The following NMNAT2 variants were observed in gnomAD, a reference collection of about 807,000 sequenced individuals.
The protein encoded by NMNAT2 is nicotinamide/nicotinic acid mononucleotide adenylyltransferase 2.
A neutral mutation model predicts 41.6 loss-of-function variants in NMNAT2; 11 were observed. The ratio of observed to expected loss-of-function variants is 0.26; its 90% CI spans 0.17 to 0.44. The LOEUF is 0.44. Among genes scored for constraint, NMNAT2 ranks in the 20% least tolerant of loss-of-function variants. The pLI is 1.00. For synonymous variants in NMNAT2, 148 were observed against 151.2 expected, an observed-to-expected ratio of 0.98 and a Z score of 0.16; for missense variants, 288 against 407.7, an observed-to-expected ratio of 0.71 and a Z score of 2.53.
chr1:183,257,506 G>A (rs1660548682), intron 10 of NMNAT2, among the ~76,000 whole-genome samples: 1 of 152,148 alleles, frequency 6.6e-6, no homozygotes, highest in Admixed American at 6.5e-5. Context: ...GAAGTCATCT[G>A]GTCCTGGGCT....
rs115663978 is a variant in NMNAT2, at chr1:183,287,190, C to T, written c.322-402G>A. 6.3e-3 allele frequency among the ~76,000 whole-genome samples: 962 copies of T among 152,250 alleles called. 11 individuals are homozygous for T. Among genetic ancestry groups the T allele is most frequent in the African/African-American group, 0.023 (938 of 41,548 alleles). On this transcript the variant is annotated intron_variant, in intron 4 of 10. Transcript: ENST00000287713. ...TGACCCATGGCAGGAGCTCTGTCAGCAGCAGGCGATGCTGGAACCTTCTGT... is the reference window on the plus strand; with the variant it reads ...TGACCCATGGCAGGAGCTCTGTCAGTAGCAGGCGATGCTGGAACCTTCTGT...
At chr1:183,271,759 C>CT (rs1052354043) in intron 8 of NMNAT2, among the ~76,000 whole-genome samples, 60 of 148,680 alleles carry the variant, frequency 4.0e-4, no homozygotes, top group African/African-American at 7.6e-4. Flanking sequence ...TTATTTTTTT[C>CT]TTTTTTTTTT....
intron 8 of NMNAT2, 114 bp from the exon 9 acceptor site, chr1:183,261,417 TAGTCCCAAACCGGCCTTCTTCTC>T: frequency 1.1e-6 from 1 of 936,722 alleles, no homozygotes; most frequent in Non-Finnish European, 1.7e-6. Context: ...CCCCAAGCTT[TAGTCCCAAACCGGCCTTCTTCTC>T]AGCCCCATCA....
intron 1 of NMNAT2, among the ~76,000 whole-genome samples, chr1:183,410,318 A>G (rs1380029549): frequency 6.6e-6 from 1 of 151,892 alleles, no homozygotes; most frequent in African/African-American, 2.4e-5. Flanking sequence ...GTGAGACTCC[A>G]TCTCAAAAAA....
intron 1 of NMNAT2, among the ~76,000 whole-genome samples, chr1:183,415,959 T>G (rs137975794): frequency 6.6e-6 from 1 of 152,340 alleles, no homozygotes; most frequent in Non-Finnish European, 1.5e-5. Flanking sequence ...TATACTTTAA[T>G]GGACATGCAA....
intron 1 of NMNAT2, among the ~76,000 whole-genome samples, chr1:183,296,844 C>T (rs1312072584): frequency 1.3e-5 from 2 of 152,048 alleles, no homozygotes; most frequent in African/African-American, 4.8e-5. Flanking sequence ...AGTTGTAGTA[C>T]TTCACTTGTT....
intron 1 of NMNAT2, among the ~76,000 whole-genome samples, chr1:183,323,558 G>A (rs796900869): frequency 3.9e-5 from 6 of 152,244 alleles, no homozygotes; most frequent in African/African-American, 1.4e-4. Flanking sequence ...CCATTGCATG[G>A]GATCAAAACA....
chr1:183,258,795 C>T (rs1004616762), intron 10 of NMNAT2, among the ~76,000 whole-genome samples: 2 of 152,034 alleles, frequency 1.3e-5, no homozygotes, highest in African/African-American at 4.8e-5. Context: ...GGCCCCCCAC[C>T]CAGGAACTGA....
intron 1 of NMNAT2, among the ~76,000 whole-genome samples, chr1:183,340,701 T>C (rs1277748388): frequency 6.6e-6 from 1 of 152,094 alleles, no homozygotes; most frequent in Non-Finnish European, 1.5e-5. Context: ...TAAGCATATC[T>C]GCCTGGGTGC....
At chr1:183,274,511 C>T (rs1661074940) in intron 8 of NMNAT2, among the ~76,000 whole-genome samples, 1 of 151,760 alleles carries the variant, frequency 6.6e-6, no homozygotes, top group South Asian at 2.1e-4. Context: ...TGGGGTTTCA[C>T]CATGTTGCCC....
At chr1:183,410,104 T>C (rs921061840) in intron 1 of NMNAT2, among the ~76,000 whole-genome samples, 1 of 149,004 alleles carries the variant, frequency 6.7e-6, no homozygotes, top group African/African-American at 2.5e-5. Flanking sequence ...AGGTCAGGAG[T>C]TCAAGACCAG....
intron 1 of NMNAT2, among the ~76,000 whole-genome samples, chr1:183,327,334 G>A (rs546708783): frequency 6.6e-6 from 1 of 152,270 alleles, no homozygotes; most frequent in African/African-American, 2.4e-5. Flanking sequence ...GGGATTACAG[G>A]CATGAGCCAC....
intron 1 of NMNAT2, among the ~76,000 whole-genome samples, chr1:183,342,096 C>T (rs1662832170): frequency 6.7e-6 from 1 of 148,858 alleles, no homozygotes; most frequent in African/African-American, 2.5e-5. Flanking sequence ...GAGGCCCAAA[C>T]ATGCAAAGCA....
At chr1:183,415,772 CAG>C (rs1189673828) in intron 1 of NMNAT2, among the ~76,000 whole-genome samples, 1 of 152,110 alleles carries the variant, frequency 6.6e-6, no homozygotes, top group Non-Finnish European at 1.5e-5. Context: ...AAAATTTATC[CAG>C]AGCTCAAAGA....
chr1:183,280,420 C>T (rs1661230065), intron 7 of NMNAT2, among the ~76,000 whole-genome samples: 1 of 152,038 alleles, frequency 6.6e-6, no homozygotes, highest in Admixed American at 6.6e-5. Flanking sequence ...TAGAATCTCC[C>T]TCTGTCACCC....
In NMNAT2 at chr1:183,250,880, A is replaced by G. The variant is rs567308559; in HGVS notation, c.*1761T>C. ...GCAGATGTGAAACGTGTGGTAAAGA[A>G]CATTGTCTTTGCTTTCAGGTCCCAC... is the stretch of plus-strand genomic sequence containing the variant. On this transcript the variant is annotated 3_prime_UTR_variant, in exon 11 of 11. Coordinates refer to ENST00000287713, the MANE Select transcript of NMNAT2 (RefSeq NM_015039.4). 5.2e-5 allele frequency: 8 copies of G among 152,754 alleles called. No homozygotes were observed. In the East Asian group the frequency reaches 1.5e-3, roughly 29 times the overall value. The allele number at this position is 152,754 out of a possible 1,614,324, so 9.5% of individuals were successfully genotyped here.
At chr1:183,254,266 G>T (rs1462475571) in intron 10 of NMNAT2, among the ~76,000 whole-genome samples, 1 of 152,008 alleles carries the variant, frequency 6.6e-6, no homozygotes, top group Non-Finnish European at 1.5e-5. Flanking sequence ...TTATCTTTTT[G>T]ATAATAGCTA....
At chr1:183,308,496 G>A (rs1392826406) in intron 1 of NMNAT2, among the ~76,000 whole-genome samples, 1 of 152,142 alleles carries the variant, frequency 6.6e-6, no homozygotes, top group Non-Finnish European at 1.5e-5. Flanking sequence ...GCACAGAGAT[G>A]TATTCAAAAA....
intron 1 of NMNAT2, among the ~76,000 whole-genome samples, chr1:183,311,876 T>C (rs188191323): frequency 3.0e-4 from 45 of 151,832 alleles, no homozygotes; most frequent in Middle Eastern, 3.4e-3. Flanking sequence ...TGGGAGGTAA[T>C]TGAATCATGG....
Sources: gnomAD v4.1 joint callset for allele counts (sites outside exome capture counted in the v4.1 genomes callset) on GRCh38, gnomAD v4.1.1 for gene constraint, MANE v1.5 for transcripts, NCBI Gene and HGNC (gene_info 2026-07-23, HGNC 2026-07-21) for gene names.